The following COL9A1 variants were observed in gnomAD, a reference collection of about 807,000 sequenced individuals.
The protein encoded by COL9A1 is collagen type IX alpha 1 chain, also known as collagen alpha-1(IX) chain.
A neutral mutation model predicts 142.6 loss-of-function variants in COL9A1; 104 were observed. The observed-to-expected ratio is 0.73, with a 90% CI of 0.62 to 0.86. The LOEUF (loss-of-function observed/expected upper bound fraction) is 0.86, where lower values mean the gene tolerates loss of function less well. Among genes scored for constraint, COL9A1 ranks in the 40% least tolerant of loss-of-function variants. The probability of loss-of-function intolerance (pLI) is 0.00; values close to 1 mark genes in which losing one functional copy is unlikely to be tolerated. For missense variants in COL9A1, 1,210 were observed against 1,176.6 expected (o/e 1.03, Z -0.42); for synonymous variants, 466 against 396.0 (o/e 1.18, Z -2.10).
At chr6:70,239,148 A>C in intron 33 of COL9A1, 106 bp downstream of exon 33, 1 of 849,502 alleles carries the variant, frequency 1.2e-6, no homozygotes, top group South Asian at 1.5e-5. Flanking sequence ...CAAAAAAAAA[A>C]AGAATTGAAT....
chr6:70,241,513 G>T, intron 30 of COL9A1, 59 bp from the exon 31 acceptor site: 1 of 1,450,564 alleles, frequency 6.9e-7, no homozygotes, highest in Non-Finnish European at 9.7e-7. Flanking sequence ...ATAATTTCAA[G>T]TGAACCTTAT....
chr6:70,285,583 C>T (rs17649310), intron 5 of COL9A1, among the ~76,000 whole-genome samples: 10,021 of 152,254 alleles, frequency 0.066, 481 homozygotes, highest in South Asian at 0.2. Flanking sequence ...CTAATTTAGT[C>T]CTTTAGTCAA....
intron 1 of COL9A1, 131 bp downstream of exon 1, chr6:70,302,780 G>A (rs891040498): frequency 4.0e-5 from 41 of 1,027,258 alleles, no homozygotes; most frequent in Admixed American, 1.2e-4. Context: ...TCTCTCATCC[G>A]TCTCTCTTTC....
At chr6:70,223,498 G>A (rs1769020453) in intron 37 of COL9A1, among the ~76,000 whole-genome samples, 2 of 152,186 alleles carry the variant, frequency 1.3e-5, no homozygotes, top group Non-Finnish European at 2.9e-5. Flanking sequence ...AATTGTAGAT[G>A]CCACTCTTCA....
At chr6:70,245,349 G>A (rs541122292) in intron 28 of COL9A1, among the ~76,000 whole-genome samples, 2 of 152,254 alleles carry the variant, frequency 1.3e-5, no homozygotes, top group South Asian at 4.1e-4. Context: ...TAAGCATGTG[G>A]GAGTTATTTA....
chr6:70,261,696 C>T (rs904100647), intron 19 of COL9A1, among the ~76,000 whole-genome samples: 3 of 152,120 alleles, frequency 2.0e-5, no homozygotes, highest in Non-Finnish European at 4.4e-5. Flanking sequence ...TTTAGAATAT[C>T]GAGTGAGATG....
intron 20 of COL9A1, 100 bp from the exon 21 acceptor site, chr6:70,256,921 A>T: frequency 2.7e-6 from 3 of 1,128,676 alleles, no homozygotes; most frequent in Non-Finnish European, 3.9e-6. Flanking sequence ...GATGAAAAGG[A>T]GGTTTTGTGC....
intron 28 of COL9A1, among the ~76,000 whole-genome samples, chr6:70,245,063 T>C (rs552372429): frequency 6.6e-6 from 1 of 152,316 alleles, no homozygotes; most frequent in Admixed American, 6.5e-5. Context: ...ATCCTATAAA[T>C]CCTTGGCCAT....
At position 70,216,763 on chromosome 6, in the gene COL9A1, G is replaced by A. The variant is rs1383861806; in HGVS notation, c.*134C>T. The A allele has an allele frequency of 2.2e-6, 2 of 906,586 alleles. No homozygotes were observed. The highest frequency in any genetic ancestry group is 2.0e-5 in the Admixed American group (1 of 50,070). The allele number at this position is 906,586 out of a possible 1,614,324, so 56.2% of individuals were successfully genotyped here. On this transcript the variant is annotated 3_prime_UTR_variant, in exon 38 of 38. Transcript: ENST00000357250. ...TATGTGATTGTCAAGTAGGACTTCT[G>A]TAATCATACTGAAGGTAATACATTG...
chr6:70,291,418 C>G (rs977256005), intron 5 of COL9A1, among the ~76,000 whole-genome samples: 2 of 152,112 alleles, frequency 1.3e-5, no homozygotes, highest in African/African-American at 4.8e-5. Flanking sequence ...CCTCCCTGCT[C>G]TTATCTGAGT....
chr6:70,239,586 A>C (rs1218749713), intron 32 of COL9A1, among the ~76,000 whole-genome samples: 1 of 152,224 alleles, frequency 6.6e-6, no homozygotes, highest in Non-Finnish European at 1.5e-5. Flanking sequence ...GTCAAGAATT[A>C]AAAATGTGGA....
Position 70,254,537 on chromosome 6 carries a change from A to AT in COL9A1, c.1666-9_1666-8insA, listed in dbSNP as rs1389429618. On this transcript the variant is annotated splice_polypyrimidine_tract_variant and intron_variant, in intron 24 of 37. Transcript: ENST00000357250. ...AGGTTTTCCTGGTTCACCCTGCAAA[A>AT]AAAGCTTTTATCACATGATTGAACC... 6.2e-7 allele frequency: 1 copy of AT among 1,614,012 alleles called. No individual in the cohort carries two copies. Among genetic ancestry groups the AT allele is most frequent in the Admixed American group, 1.7e-5 (1 of 60,014 alleles).
chr6:70,300,198 G>A, intron 3 of COL9A1, 23 bp from the exon 4 acceptor site: 1 of 1,613,124 alleles, frequency 6.2e-7, no homozygotes, highest in Non-Finnish European at 8.5e-7. Context: ...AATACAAAAT[G>A]AAAAGTCTAA....
chr6:70,272,138 TAA>T (rs1484888639), intron 12 of COL9A1, 50 bp from the exon 13 acceptor site: 2 of 1,461,254 alleles, frequency 1.4e-6, no homozygotes, highest in Non-Finnish European at 1.9e-6. Flanking sequence ...ATACTTAGTA[TAA>T]ATATGAATGT....
chr6:70,280,664 A>G (rs955526973), intron 10 of COL9A1, 148 bp downstream of exon 10: 22 of 1,282,044 alleles, frequency 1.7e-5, no homozygotes, highest in African/African-American at 4.5e-5. Context: ...TCCACGATCA[A>G]TCAGGCGCTG....
In COL9A1 at chr6:70,253,112, T is replaced by A. The variant is rs75073449; in HGVS notation, c.1764+273A>T. On this transcript the variant is annotated intron_variant, in intron 26 of 37. Coordinates refer to ENST00000357250, the MANE Select transcript of COL9A1 (RefSeq NM_001851.6). The stretch of plus-strand genomic sequence containing the variant: ...GTGGCTTAATAATATCTTCCTTATT[T>A]TAGTAGTAAGGAACAATAAAATTTT... 9,666 of 336,134 alleles carry A rather than the reference T, an allele frequency of 0.029. 180 individuals are homozygous for A. Among genetic ancestry groups the A allele is most frequent in the Middle Eastern group, 0.041 (41 of 988 alleles). 20.8% of individuals were successfully genotyped at this position (336,134 alleles called of 1,614,324 possible).
At position 70,268,815 on chromosome 6, in the gene COL9A1, G is replaced by A. The variant is rs1398909340; in HGVS notation, c.1276C>T (p.Pro426Ser). The change falls in exon 17 of 38, where the codon CCA becomes TCA. Residue 426 changes from proline (P) to serine (S), a missense_variant. Transcript: ENST00000357250. ...AGTTATTCTCTTACCCTCATGCCTG[G>A]TAGGCCTGGATATCCTGAGCGACCT... ...PPGRSGYPGL[P>S]GMRGHKGAKG... 1 of 1,613,560 alleles carries A rather than the reference G, an allele frequency of 6.2e-7. No homozygotes were observed. The highest frequency in any genetic ancestry group is 8.5e-7 in the Non-Finnish European group (1 of 1,179,574).
intron 12 of COL9A1, among the ~76,000 whole-genome samples, chr6:70,273,375 G>C (rs1772529805): frequency 1.3e-5 from 2 of 152,154 alleles, no homozygotes; most frequent in African/African-American, 4.8e-5. Flanking sequence ...AGAAAGGCCA[G>C]CAAGCTGTTC....
chr6:70,263,217 T>C (rs1771803999), intron 19 of COL9A1, 27 bp downstream of exon 19: 1 of 1,525,182 alleles, frequency 6.6e-7, no homozygotes, highest in Non-Finnish European at 9.0e-7. Context: ...CATATCCTAG[T>C]TAAATATTTT....
Sources: gnomAD v4.1 joint callset for allele counts (sites outside exome capture counted in the v4.1 genomes callset) on GRCh38, gnomAD v4.1.1 for gene constraint, MANE v1.5 for transcripts, NCBI Gene and HGNC (gene_info 2026-07-23, HGNC 2026-07-21) for gene names.